Variants in RAB3C observed in about 807,000 individuals in gnomAD.
The protein encoded by RAB3C is RAB3C, member RAS oncogene family.
RAB3C carries 17 observed loss-of-function variants against 26.4 expected under a neutral mutation model. The observed-to-expected ratio is 0.64, with a 90% confidence interval of 0.44 to 0.97. The LOEUF is 0.97. Ranked by LOEUF, RAB3C falls within the 50% of genes least tolerant of loss-of-function variation. RAB3C has a pLI of 0.00. For missense variants in RAB3C, 242 were observed against 281.9 expected (o/e 0.86, Z 1.01); for synonymous variants, 91 against 95.9 (o/e 0.95, Z 0.30).
At chr5:58,735,883 C>G (rs1051043117) in intron 3 of RAB3C, among the ~76,000 whole-genome samples, 1 of 152,152 alleles carries the variant, frequency 6.6e-6, no homozygotes, top group Non-Finnish European at 1.5e-5. Flanking sequence ...ATACCCAGTA[C>G]AGCAAAGAGA....
chr5:58,814,310 C>G (rs1011731078), intron 3 of RAB3C, among the ~76,000 whole-genome samples: 1 of 152,196 alleles, frequency 6.6e-6, no homozygotes, highest in African/African-American at 2.4e-5. Flanking sequence ...CCATAGGACT[C>G]CCTTGGTCCT....
rs186498561 is a variant in RAB3C, at chr5:58,659,973, T to C, written c.252+42103T>C. ...CACATGCCACCATGCCTGGCTAATT[T>C]TTGTGTTTTTTGTAGAGACAGCGAT... On this transcript the variant is annotated intron_variant, in intron 2 of 4. Coordinates refer to ENST00000282878, the MANE Select transcript of RAB3C (RefSeq NM_138453.4). Among the ~76,000 whole-genome samples the C allele has an allele frequency of 3.0e-4, 45 of 152,224 alleles. 1 individual carries two copies. In the East Asian group the frequency reaches 6.2e-3, roughly 21 times the overall value.
At chr5:58,707,118 ATTTCTGG>A (rs1748959882) in intron 2 of RAB3C, among the ~76,000 whole-genome samples, 1 of 152,160 alleles carries the variant, frequency 6.6e-6, no homozygotes, top group Non-Finnish European at 1.5e-5. Flanking sequence ...TCTTATTTCC[ATTTCTGG>A]AAAAAAGATG....
intron 3 of RAB3C, among the ~76,000 whole-genome samples, chr5:58,771,518 T>G (rs532968041): frequency 4.9e-4 from 74 of 152,268 alleles, no homozygotes; most frequent in Non-Finnish European, 9.4e-4. Flanking sequence ...TATTTATAAA[T>G]TTTGTATTAT....
chr5:58,731,350 A>G (rs987890776), intron 3 of RAB3C, among the ~76,000 whole-genome samples: 1 of 152,182 alleles, frequency 6.6e-6, no homozygotes, highest in Non-Finnish European at 1.5e-5. Context: ...CTGTAAGCCT[A>G]TTTAGAATTT....
chr5:58,685,219 C>T (rs914969424), intron 2 of RAB3C, among the ~76,000 whole-genome samples: 2 of 152,092 alleles, frequency 1.3e-5, no homozygotes, highest in African/African-American at 4.8e-5. Flanking sequence ...ACATATTTCC[C>T]TCAGATAAGG....
At chr5:58,673,854 A>G (rs988529451) in intron 2 of RAB3C, among the ~76,000 whole-genome samples, 1 of 152,254 alleles carries the variant, frequency 6.6e-6, no homozygotes, top group Non-Finnish European at 1.5e-5. Flanking sequence ...ATTGATGCAG[A>G]GGATGGCTGT....
intron 1 of RAB3C, among the ~76,000 whole-genome samples, chr5:58,596,702 T>TAAATATATAATACATA (rs1561259964): frequency 0.016 from 392 of 24,916 alleles, 9 homozygotes; most frequent in African/African-American, 0.051. Flanking sequence ...CATAATATAT[T>TAAATATATAATACATA]ATATATAAAT....
chr5:58,837,396 G>C (rs757029261), intron 4 of RAB3C, among the ~76,000 whole-genome samples: 14 of 151,886 alleles, frequency 9.2e-5, no homozygotes, highest in Non-Finnish European at 1.8e-4. Context: ...TTGCCAGGCT[G>C]GTCTCGAACT....
chr5:58,591,585 A>AGT lies in RAB3C; in HGVS notation c.24+8354_24+8355dup, dbSNP rs1746127508. The stretch of plus-strand genomic sequence containing the variant: ...CTTGCCTTCTTAATAGTATTTTCAT[A>AGT]GTATATATATATATATATATATAAT... On this transcript the variant is annotated intron_variant, in intron 1 of 4. Coordinates refer to ENST00000282878, the MANE Select transcript of RAB3C (RefSeq NM_138453.4). 4.2e-5 allele frequency among the ~76,000 whole-genome samples: 4 copies of AGT among 94,696 alleles called. No homozygotes were observed. The South Asian group carries it at 8.0e-4, about 19-fold the overall frequency. 62.1% of individuals were successfully genotyped at this position (94,696 alleles called of 152,430 possible). A position where few individuals can be genotyped will look rare whatever the true frequency, so the allele number is the denominator to read the frequency against.
chr5:58,761,206 T>C (rs1192564526), intron 3 of RAB3C, among the ~76,000 whole-genome samples: 1 of 152,184 alleles, frequency 6.6e-6, no homozygotes, highest in Admixed American at 6.5e-5. Flanking sequence ...GTCTTTTGTA[T>C]TGATTGAATT....
chr5:58,720,840 C>T (rs1381610855), intron 2 of RAB3C, among the ~76,000 whole-genome samples: 4 of 151,688 alleles, frequency 2.6e-5, no homozygotes, highest in Admixed American at 6.6e-5. Flanking sequence ...TCTTTACTAA[C>T]GGTTACTCCC....
intron 2 of RAB3C, among the ~76,000 whole-genome samples, chr5:58,696,384 CT>C (rs538603764): frequency 6.6e-6 from 1 of 152,060 alleles, no homozygotes; most frequent in East Asian, 1.9e-4. Context: ...CTAAAATTCT[CT>C]TTTTTTGTTG....
intron 1 of RAB3C, among the ~76,000 whole-genome samples, chr5:58,589,705 G>A (rs1746089116): frequency 6.6e-6 from 1 of 152,002 alleles, no homozygotes; most frequent in Non-Finnish European, 1.5e-5. Context: ...GTGTGAATAG[G>A]TTACATTTTG....
chr5:58,845,347 C>T (rs910900597), intron 4 of RAB3C, among the ~76,000 whole-genome samples: 2 of 152,008 alleles, frequency 1.3e-5, no homozygotes, highest in African/African-American at 4.8e-5. Flanking sequence ...TCATGTTCTT[C>T]ACGTGCACCG....
chr5:58,800,324 C>CT (rs1341525680), intron 3 of RAB3C, among the ~76,000 whole-genome samples: 1 of 152,154 alleles, frequency 6.6e-6, no homozygotes, highest in Non-Finnish European at 1.5e-5. Flanking sequence ...ACAGCCAGAT[C>CT]TTTTTTTGGA....
chr5:58,632,479 T>C (rs997438778), intron 2 of RAB3C, among the ~76,000 whole-genome samples: 37 of 152,216 alleles, frequency 2.4e-4, no homozygotes, highest in African/African-American at 8.7e-4. Flanking sequence ...AAACAGTTCA[T>C]CCTGTCATAT....
chr5:58,640,521 G>A (rs1455452952), intron 2 of RAB3C, among the ~76,000 whole-genome samples: 1 of 152,152 alleles, frequency 6.6e-6, no homozygotes, highest in African/African-American at 2.4e-5. Flanking sequence ...ATTGTAGAGA[G>A]TGCTCCATTA....
Position 58,851,141 on chromosome 5 carries a change from G to A in RAB3C, c.497-23G>A, listed in dbSNP as rs747208185. 9 of 1,570,094 alleles carry A rather than the reference G, an allele frequency of 5.7e-6. No individual in the cohort carries two copies. The East Asian group carries it at 1.4e-4, about 24-fold the overall frequency. On this transcript the variant is annotated intron_variant, in intron 4 of 4. Coordinates refer to ENST00000282878, the MANE Select transcript of RAB3C (RefSeq NM_138453.4). ...TTCAGAAATGCAAAATAACCAAGATGTGTTTCTGTGTGTTTCTTCCAGGGT... is the reference window on the plus strand; with the variant it reads ...TTCAGAAATGCAAAATAACCAAGATATGTTTCTGTGTGTTTCTTCCAGGGT...
Sources: gnomAD v4.1 joint callset for allele counts (sites outside exome capture counted in the v4.1 genomes callset) on GRCh38, gnomAD v4.1.1 for gene constraint, MANE v1.5 for transcripts, NCBI Gene and HGNC (gene_info 2026-07-23, HGNC 2026-07-21) for gene names.